Variants in MSR1 observed in about 807,000 individuals in gnomAD.
MSR1 encodes the protein macrophage scavenger receptor 1.
MSR1 carries 53 observed loss-of-function variants against 47.2 expected under a neutral mutation model. The ratio of observed to expected loss-of-function variants is 1.12; its 90% CI spans 0.90 to 1.41. MSR1 has a LOEUF of 1.41. MSR1 is among the 40% of genes most tolerant of loss of function. The pLI is 0.00. For missense variants in MSR1, 786 were observed against 546.9 expected, an observed-to-expected ratio of 1.44 and a Z score of -4.36; for synonymous variants, 239 against 185.6, an observed-to-expected ratio of 1.29 and a Z score of -2.34.
intron 8 of MSR1, among the ~76,000 whole-genome samples, chr8:16,136,728 A>C (rs1328759663): frequency 6.6e-6 from 1 of 151,946 alleles, no homozygotes; most frequent in East Asian, 1.9e-4. Flanking sequence ...TCAGCCTCTC[A>C]AGTATTTGGG....
intron 5 of MSR1, among the ~76,000 whole-genome samples, chr8:16,163,630 A>C (rs888300572): frequency 1.4e-4 from 21 of 151,664 alleles, no homozygotes; most frequent in African/African-American, 5.1e-4. Flanking sequence ...ACTGCAGAAG[A>C]AATGGACAAA....
At chr8:16,159,272 G>C (rs1585172236) in intron 5 of MSR1, among the ~76,000 whole-genome samples, 1 of 151,674 alleles carries the variant, frequency 6.6e-6, no homozygotes, top group Admixed American at 6.6e-5. Flanking sequence ...CAAAATGTTA[G>C]CTATTCTCAC....
At chr8:16,140,921 G>A in intron 8 of MSR1, 4 of 1,612,340 alleles carry the variant, frequency 2.5e-6, no homozygotes, top group Non-Finnish European at 3.4e-6. Flanking sequence ...TTGGAAGTCA[G>A]TTGTGCAGAT....
At position 16,177,972 on chromosome 8, in the gene MSR1, T is replaced by C; in HGVS notation, c.17A>G (p.His6Arg). 2 of 1,613,770 alleles carry C rather than the reference T, an allele frequency of 1.2e-6. No homozygotes were observed. Among genetic ancestry groups the C allele is most frequent in the Non-Finnish European group, 1.7e-6 (2 of 1,179,744 alleles). The change falls in exon 2 of 10, where the codon CAC (histidine) becomes CGC (arginine). Residue 6 changes from histidine (H) to arginine (R), a missense_variant. By Grantham distance (29) the His-to-Arg change is conservative (BLOSUM62 0). Transcript: ENST00000262101. ...AGTGTCCTCCTGTTGATTGTGAAAG[T>C]GATCCCACTGCTCCATACTTCTATG... MEQWD[H>R]FHNQQEDTDS...
At chr8:16,134,236 T>C (rs1432624784) in intron 8 of MSR1, among the ~76,000 whole-genome samples, 1 of 152,172 alleles carries the variant, frequency 6.6e-6, no homozygotes, top group Non-Finnish European at 1.5e-5. Flanking sequence ...ATAGGGGCTC[T>C]TTTTAAATAG....
At chr8:16,148,895 T>C (rs969440131) in intron 7 of MSR1, among the ~76,000 whole-genome samples, 1 of 152,110 alleles carries the variant, frequency 6.6e-6, no homozygotes, top group South Asian at 2.1e-4. Context: ...AGAGAAACCT[T>C]ACATTCATAT....
Position 16,120,661 on chromosome 8 carries a change from T to C in MSR1, c.1034-55A>G, listed in dbSNP as rs552913810. 1.8e-5 allele frequency: 28 copies of C among 1,519,426 alleles called. No homozygotes were observed. In the South Asian group the frequency reaches 2.5e-4, roughly 13 times the overall value. 94.1% of individuals were successfully genotyped at this position (1,519,426 alleles called of 1,614,324 possible). On this transcript the variant is annotated intron_variant, in intron 8 of 9. Transcript: ENST00000262101. ...AAAAAAGGCAAGCAAGGACTAATTA[T>C]GTACATACTGCTTTACAGCACTTTT...
chr8:16,145,171 C>T (rs1224773213), intron 7 of MSR1, among the ~76,000 whole-genome samples: 1 of 152,044 alleles, frequency 6.6e-6, no homozygotes, highest in African/African-American at 2.4e-5. Context: ...AATTGCTTTG[C>T]ATAATGTGAT....
chr8:16,170,310 T>G (rs1282588890), intron 3 of MSR1, among the ~76,000 whole-genome samples: 1 of 151,252 alleles, frequency 6.6e-6, no homozygotes, highest in East Asian at 2.0e-4. Flanking sequence ...ATCACGCCAC[T>G]GCACTCCAGC....
chr8:16,180,810 T>A (rs1243988407), intron 1 of MSR1, among the ~76,000 whole-genome samples: 2 of 152,168 alleles, frequency 1.3e-5, no homozygotes, highest in Non-Finnish European at 2.9e-5. Context: ...GCAGTGACAG[T>A]CGTTGCATAT....
At chr8:16,154,633 T>G (rs1286273466) in intron 6 of MSR1, among the ~76,000 whole-genome samples, 3 of 151,944 alleles carry the variant, frequency 2.0e-5, no homozygotes, top group Non-Finnish European at 4.4e-5. Context: ...AGTGTGAGTT[T>G]TTATGTCTTA....
At chr8:16,161,375 T>A (rs1170464777) in intron 5 of MSR1, among the ~76,000 whole-genome samples, 2 of 151,960 alleles carry the variant, frequency 1.3e-5, no homozygotes, top group Non-Finnish European at 2.9e-5. Flanking sequence ...GGATTTGGTT[T>A]TGAATTTGTA....
In MSR1 at chr8:16,164,144, T is replaced by A; in HGVS notation, c.738A>T (p.Val246=). 1 of 1,612,118 alleles carries A rather than the reference T, an allele frequency of 6.2e-7. No homozygotes were observed. Among genetic ancestry groups the A allele is most frequent in the South Asian group, 1.1e-5 (1 of 91,004 alleles). ...TGAGATCATTAGTGATGTTATTCAG[T>A]ACTTTCACTTCTCCTTTTATTTCCT... ...LEQEIKGEVK[V]LNNITNDLRL... The change falls in exon 5 of 10, where the codon GTA becomes GTT. Residue 246 remains valine (V), a synonymous_variant. Transcript: ENST00000262101.
chr8:16,140,945 G>T, intron 8 of MSR1: 1 of 1,613,800 alleles, frequency 6.2e-7, no homozygotes, highest in Middle Eastern at 1.7e-4. Flanking sequence ...TTGTCCAGAG[G>T]TGAAGGGCCT....
chr8:16,126,078 AAAG>A, intron 8 of MSR1, among the ~76,000 whole-genome samples: 1 of 152,276 alleles, frequency 6.6e-6, no homozygotes, highest in African/African-American at 2.4e-5. Flanking sequence ...TATTTTATTT[AAAG>A]AAGGAAACAA....
rs1585127837 is a variant in MSR1 at position 16,110,316 on chromosome 8, A to T, written c.1223-98T>A. 2.2e-6 allele frequency: 3 copies of T among 1,375,472 alleles called. No homozygotes were observed. In the African/African-American group the frequency reaches 4.3e-5, roughly 20 times the overall value. The allele number at this position is 1,375,472 out of a possible 1,614,324, so 85.2% of individuals were successfully genotyped here. ...TAATTCCTTCACTAATTAAACAAAAAAGTGTTGATTATTTTCTGTATGCAA... is the reference window on the plus strand; with the variant it reads ...TAATTCCTTCACTAATTAAACAAAATAGTGTTGATTATTTTCTGTATGCAA... On this transcript the variant is annotated intron_variant, in intron 9 of 9. Transcript: ENST00000262101.
At chr8:16,114,975 C>T (rs944834948) in intron 9 of MSR1, among the ~76,000 whole-genome samples, 3 of 151,490 alleles carry the variant, frequency 2.0e-5, no homozygotes, top group Non-Finnish European at 4.4e-5. Context: ...GTCAGGAGTT[C>T]GAGACCAGCC....
chr8:16,123,197 T>G (rs1800046509), intron 8 of MSR1, among the ~76,000 whole-genome samples: 3 of 152,142 alleles, frequency 2.0e-5, no homozygotes, highest in Non-Finnish European at 4.4e-5. Flanking sequence ...GATCCATATC[T>G]GTCACCTGAA....
chr8:16,190,632 T>A (rs1585206067), intron 1 of MSR1, among the ~76,000 whole-genome samples: 1 of 152,156 alleles, frequency 6.6e-6, no homozygotes, highest in East Asian at 1.9e-4. Flanking sequence ...TAATACATAT[T>A]TACCATCTGT....
Sources: gnomAD v4.1 joint callset for allele counts (sites outside exome capture counted in the v4.1 genomes callset) on GRCh38, gnomAD v4.1.1 for gene constraint, MANE v1.5 for transcripts, NCBI Gene and HGNC (gene_info 2026-07-23, HGNC 2026-07-21) for gene names.